Variants in ASIC2 observed in about 807,000 individuals in gnomAD.
The protein encoded by ASIC2 is acid-sensing ion channel 2.
A neutral mutation model predicts 57.3 loss-of-function variants in ASIC2; 25 were observed. That is an observed-to-expected ratio of 0.44 (90% CI 0.32 to 0.61). The LOEUF (loss-of-function observed/expected upper bound fraction) is 0.61, where lower values mean the gene tolerates loss of function less well. Among genes scored for constraint, ASIC2 ranks in the 20% least tolerant of loss-of-function variants. The probability of loss-of-function intolerance (pLI) is 0.06; values close to 1 mark genes in which losing one functional copy is unlikely to be tolerated. For missense variants in ASIC2, 641 were observed against 738.1 expected (o/e 0.87, Z 1.52); for synonymous variants, 319 against 307.5 (o/e 1.04, Z -0.39).
intron 1 of ASIC2, among the ~76,000 whole-genome samples, chr17:33,485,517 A>G (rs1277631726): frequency 6.6e-6 from 1 of 152,238 alleles, no homozygotes; most frequent in Admixed American, 6.5e-5. Flanking sequence ...CAAGTACTTA[A>G]GCTTAGATGA....
chr17:33,293,779 G>A (rs1905607647), upstream of ASIC2, among the ~76,000 whole-genome samples: 1 of 152,142 alleles, frequency 6.6e-6, no homozygotes, highest in Non-Finnish European at 1.5e-5. Flanking sequence ...TGTGGTGCAT[G>A]CAGGATGTAG....
At position 34,053,712 on chromosome 17, in the gene ASIC2, T is replaced by C. The variant is rs151052004; in HGVS notation, c.555+102266A>G. On this transcript the variant is annotated intron_variant, in intron 1 of 9. Coordinates refer to the ASIC2 transcript ENST00000359872. ...GTACTGAGTTCAAGATCAAAGAGCA[T>C]AGAGGTGGAAAAACTGGGATTATTC... 7.9e-5 allele frequency among the ~76,000 whole-genome samples: 12 copies of C among 152,298 alleles called. No individual in the cohort carries two copies. In the East Asian group the frequency reaches 1.7e-3, roughly 22 times the overall value.
At chr17:33,142,016 T>C (rs1443532375) in intron 1 of ASIC2, among the ~76,000 whole-genome samples, 1 of 152,234 alleles carries the variant, frequency 6.6e-6, no homozygotes, top group African/African-American at 2.4e-5. Flanking sequence ...TATATTTATG[T>C]GTGTAAGATT....
chr17:33,754,515 G>A (rs1278471889), intron 1 of ASIC2, among the ~76,000 whole-genome samples: 2 of 152,090 alleles, frequency 1.3e-5, no homozygotes, highest in African/African-American at 4.8e-5. Flanking sequence ...CTCTCCCTGG[G>A]TAAACTGCAA....
intron 1 of ASIC2, among the ~76,000 whole-genome samples, chr17:33,130,781 G>A (rs922663147): frequency 8.5e-5 from 13 of 152,214 alleles, no homozygotes; most frequent in African/African-American, 3.1e-4. Context: ...GATCACAGGA[G>A]GTGCTGAAGG....
At chr17:33,611,404 G>A (rs1905406942) in intron 1 of ASIC2, among the ~76,000 whole-genome samples, 1 of 152,186 alleles carries the variant, frequency 6.6e-6, no homozygotes, top group African/African-American at 2.4e-5. Flanking sequence ...CAGACCTTGT[G>A]TTCTATGGTT....
intron 1 of ASIC2, among the ~76,000 whole-genome samples, chr17:34,126,871 G>A (rs868185040): frequency 1.3e-5 from 2 of 152,160 alleles, no homozygotes. Flanking sequence ...TGATGCTGAT[G>A]CTGCTAGTGC....
At chr17:33,627,490 C>G (rs1281592592) in intron 1 of ASIC2, among the ~76,000 whole-genome samples, 1 of 152,208 alleles carries the variant, frequency 6.6e-6, no homozygotes, top group African/African-American at 2.4e-5. Context: ...ATTCCAGCTC[C>G]CTCCTGCTGC....
At chr17:33,024,144 A>G in intron 5 of ASIC2, 130 bp from the exon 6 acceptor site, 2 of 1,258,454 alleles carry the variant, frequency 1.6e-6, no homozygotes, top group Middle Eastern at 5.5e-4. Flanking sequence ...AGTGAGGGGC[A>G]GGGATTGTGG....
At chr17:33,587,007 T>C (rs1046505675) in intron 1 of ASIC2, among the ~76,000 whole-genome samples, 2 of 152,244 alleles carry the variant, frequency 1.3e-5, no homozygotes, top group African/African-American at 2.4e-5. Context: ...GTGAGATTAA[T>C]GTATCAATGA....
intron 1 of ASIC2, among the ~76,000 whole-genome samples, chr17:33,865,783 A>C (rs377142761): frequency 3.7e-4 from 30 of 81,576 alleles, no homozygotes; most frequent in East Asian, 1.8e-3. Flanking sequence ...AAAAAAAAAA[A>C]CGTTTTTTTA....
chr17:33,440,043 T>C (rs1236625759), intron 1 of ASIC2, among the ~76,000 whole-genome samples: 2 of 152,226 alleles, frequency 1.3e-5, no homozygotes, highest in Admixed American at 1.3e-4. Context: ...ACTTCACCCC[T>C]TGTAAATGCA....
intron 1 of ASIC2, among the ~76,000 whole-genome samples, chr17:33,529,402 G>A (rs1215512068): frequency 1.3e-5 from 2 of 152,126 alleles, no homozygotes; most frequent in Non-Finnish European, 1.5e-5. Context: ...CTTCATGTGT[G>A]CTCCCTGGGC....
intron 1 of ASIC2, among the ~76,000 whole-genome samples, chr17:33,889,520 T>C (rs1914911690): frequency 6.6e-6 from 1 of 152,004 alleles, no homozygotes; most frequent in South Asian, 2.1e-4. Context: ...AGAACGTAGG[T>C]TTAATTTAGC....
intron 1 of ASIC2, among the ~76,000 whole-genome samples, chr17:34,045,194 C>T (rs74888495): frequency 0.016 from 2,397 of 152,140 alleles, 63 homozygotes; most frequent in East Asian, 0.059. Flanking sequence ...AAAGACTCCA[C>T]CACTCTTCCC....
At chr17:33,574,889 T>C (rs1403221380) in intron 1 of ASIC2, among the ~76,000 whole-genome samples, 3 of 151,790 alleles carry the variant, frequency 2.0e-5, no homozygotes, top group Non-Finnish European at 4.4e-5. Context: ...AAGATATGTG[T>C]TAATATTCAT....
At position 33,910,027 on chromosome 17, in the gene ASIC2, C is replaced by G. The variant is rs141670951; in HGVS notation, c.555+245951G>C. The stretch of plus-strand genomic sequence containing the variant: ...ATAGGAGTAATAATAGCACCACCCT[C>G]GTTGAATTGTTATGAGTGTTAAATG... On this transcript the variant is annotated intron_variant, in intron 1 of 9. Coordinates refer to the ASIC2 transcript ENST00000359872. Among the ~76,000 whole-genome samples the G allele has an allele frequency of 3.2e-4, 48 of 152,216 alleles. 1 individual carries two copies. The highest frequency in any genetic ancestry group is 1.1e-3 in the African/African-American group (46 of 41,524).
At chr17:33,027,323 AC>A (rs2091863421) in intron 4 of ASIC2, among the ~76,000 whole-genome samples, 1 of 152,206 alleles carries the variant, frequency 6.6e-6, no homozygotes, top group African/African-American at 2.4e-5. Flanking sequence ...ATCACAGAAA[AC>A]AATTGGTAAT....
intron 1 of ASIC2, chr17:34,071,506 G>T (rs750961588): frequency 6.6e-6 from 1 of 152,164 alleles, no homozygotes; most frequent in Non-Finnish European, 1.5e-5. Flanking sequence ...AGAAGAGGGG[G>T]CGGGGAGATA....
Sources: allele counts gnomAD v4.1 joint callset (sites outside exome capture counted in the v4.1 genomes callset), GRCh38; gene constraint gnomAD v4.1.1; transcripts MANE v1.5; gene names NCBI Gene and HGNC (gene_info 2026-07-23, HGNC 2026-07-21).